ELMO1: variants seen among roughly 807,000 people sequenced by gnomAD.
ELMO1 encodes engulfment and cell motility protein 1.
ELMO1 carries 26 observed loss-of-function variants against 98.9 expected under a neutral mutation model. That is an observed-to-expected ratio of 0.26 (90% CI 0.19 to 0.36). The LOEUF (loss-of-function observed/expected upper bound fraction) is 0.36, where lower values mean the gene tolerates loss of function less well. Among genes scored for constraint, ELMO1 ranks in the 10% least tolerant of loss-of-function variants. The probability of loss-of-function intolerance (pLI) is 1.00; values close to 1 mark genes in which losing one functional copy is unlikely to be tolerated. For missense variants in ELMO1, 627 were observed against 935.2 expected, an observed-to-expected ratio of 0.67 and a Z score of 4.30; for synonymous variants, 346 against 346.0, an observed-to-expected ratio of 1.00 and a Z score of 0.00.
At chr7:37,280,088 A>C (rs954714983) in intron 4 of ELMO1, among the ~76,000 whole-genome samples, 2 of 152,256 alleles carry the variant, frequency 1.3e-5, no homozygotes, top group African/African-American at 2.4e-5. Context: ...GCAAACAAAA[A>C]CATAAAGTGG....
At chr7:36,952,712 C>T (rs1478567860) in intron 16 of ELMO1, among the ~76,000 whole-genome samples, 1 of 152,074 alleles carries the variant, frequency 6.6e-6, no homozygotes, top group East Asian at 1.9e-4. Flanking sequence ...AAACTGAATA[C>T]ATTCTTTTCC....
intron 4 of ELMO1, among the ~76,000 whole-genome samples, chr7:37,301,220 G>T (rs990777256): frequency 6.6e-6 from 1 of 151,796 alleles, no homozygotes; most frequent in African/African-American, 2.4e-5. Flanking sequence ...AAATAAGAAT[G>T]AAGTCATGGA....
intron 14 of ELMO1, among the ~76,000 whole-genome samples, chr7:37,120,659 C>G (rs1584676345): frequency 1.3e-5 from 2 of 152,270 alleles, no homozygotes; most frequent in Admixed American, 1.3e-4. Flanking sequence ...CACCTCAGCT[C>G]AAGGAGGCCT....
intron 15 of ELMO1, among the ~76,000 whole-genome samples, chr7:37,068,009 T>G (rs1305156740): frequency 1.3e-5 from 2 of 152,146 alleles, no homozygotes; most frequent in South Asian, 2.1e-4. Flanking sequence ...CATTTGAACA[T>G]TAGAGACCAA....
intron 4 of ELMO1, among the ~76,000 whole-genome samples, chr7:37,297,619 A>G (rs1798103743): frequency 6.6e-6 from 1 of 151,264 alleles, no homozygotes. Context: ...GAAAAAAAAA[A>G]AAGACAGAGA....
intron 19 of ELMO1, among the ~76,000 whole-genome samples, chr7:36,876,397 C>CT (rs75810029): frequency 0.072 from 10,001 of 138,652 alleles, 401 homozygotes; most frequent in South Asian, 0.17. Context: ...TTTTAATATC[C>CT]TTTTTTTTTT....
intron 13 of ELMO1, among the ~76,000 whole-genome samples, chr7:37,194,076 G>T (rs1167776021): frequency 6.6e-6 from 1 of 152,286 alleles, no homozygotes; most frequent in East Asian, 1.9e-4. Context: ...AGTCCCATGT[G>T]TCACACACTC....
At chr7:37,054,882 G>A (rs930855798) in intron 15 of ELMO1, among the ~76,000 whole-genome samples, 4 of 152,192 alleles carry the variant, frequency 2.6e-5, no homozygotes, top group African/African-American at 9.7e-5. Context: ...TCCATTGGCT[G>A]TAAATGTGAA....
intron 1 of ELMO1, among the ~76,000 whole-genome samples, chr7:37,349,959 C>T (rs912906605): frequency 2.0e-5 from 3 of 152,188 alleles, no homozygotes; most frequent in African/African-American, 7.2e-5. Context: ...TGACATTATT[C>T]AGGATGTATG....
intron 6 of ELMO1, among the ~76,000 whole-genome samples, chr7:37,249,412 A>G (rs1795195809): frequency 2.0e-5 from 3 of 152,212 alleles, no homozygotes; most frequent in African/African-American, 7.2e-5. Flanking sequence ...TTACCTAAGA[A>G]CTTTACATAT....
intron 4 of ELMO1, among the ~76,000 whole-genome samples, chr7:37,280,137 T>C (rs966961394): frequency 6.6e-6 from 1 of 152,184 alleles, no homozygotes; most frequent in African/African-American, 2.4e-5. Flanking sequence ...GCTAGGATAA[T>C]TGGCAAGCCA....
intron 15 of ELMO1, among the ~76,000 whole-genome samples, chr7:37,063,957 T>C (rs955367651): frequency 6.6e-6 from 1 of 152,160 alleles, no homozygotes; most frequent in African/African-American, 2.4e-5. Context: ...AATCATGCTC[T>C]TTCTGCCAAA....
At chr7:36,877,900 G>T in intron 19 of ELMO1, 110 bp downstream of exon 19, 1 of 795,250 alleles carries the variant, frequency 1.3e-6, no homozygotes, top group Non-Finnish European at 2.1e-6. Flanking sequence ...AACTAGATGA[G>T]ATGTGTTCAA....
chr7:37,448,258 TC>T (rs1482005534), intron 1 of ELMO1, among the ~76,000 whole-genome samples: 1 of 147,050 alleles, frequency 6.8e-6, no homozygotes, highest in Non-Finnish European at 1.5e-5. Context: ...CAGCCCCACA[TC>T]CCCCGTCCCC....
intron 15 of ELMO1, among the ~76,000 whole-genome samples, chr7:37,023,919 T>C (rs1325967841): frequency 1.3e-5 from 2 of 152,174 alleles, no homozygotes; most frequent in African/African-American, 2.4e-5. Flanking sequence ...CCCAGTCTTA[T>C]TGAAGGGTAC....
intron 13 of ELMO1, among the ~76,000 whole-genome samples, chr7:37,148,653 A>G (rs183885641): frequency 5.3e-5 from 8 of 152,344 alleles, no homozygotes; most frequent in African/African-American, 1.9e-4. Flanking sequence ...AAAAGTCTTT[A>G]TGAATAATGA....
chr7:36,978,193 C>A (rs540852704), intron 16 of ELMO1, among the ~76,000 whole-genome samples: 11 of 152,126 alleles, frequency 7.2e-5, no homozygotes, highest in Admixed American at 1.3e-4. Context: ...AATAAGGTAA[C>A]TGCATGCTAC....
intron 14 of ELMO1, among the ~76,000 whole-genome samples, chr7:37,128,302 A>T (rs538195220): frequency 6.6e-6 from 1 of 152,380 alleles, no homozygotes; most frequent in South Asian, 2.1e-4. Flanking sequence ...TAATGACAGC[A>T]GGCTCATGGG....
intron 4 of ELMO1, among the ~76,000 whole-genome samples, chr7:37,291,162 C>A (rs1218495701): frequency 6.6e-6 from 1 of 152,140 alleles, no homozygotes; most frequent in Non-Finnish European, 1.5e-5. Flanking sequence ...AACTGGCTGT[C>A]TCCATCAAAA....
Sources: allele counts gnomAD v4.1 joint callset (sites outside exome capture counted in the v4.1 genomes callset), GRCh38; gene constraint gnomAD v4.1.1; transcripts MANE v1.5; gene names NCBI Gene and HGNC (gene_info 2026-07-23, HGNC 2026-07-21).